SLC35F3: variants seen among roughly 807,000 people sequenced by gnomAD.
SLC35F3 encodes the protein putative thiamine transporter SLC35F3.
SLC35F3 carries 25 observed loss-of-function variants against 49.9 expected under a neutral mutation model. The observed-to-expected ratio is 0.50, with a 90% confidence interval of 0.37 to 0.70. The LOEUF is 0.70. Among genes scored for constraint, SLC35F3 ranks in the 30% least tolerant of loss-of-function variants. The probability of loss-of-function intolerance (pLI) is 0.00; values close to 1 mark genes in which losing one functional copy is unlikely to be tolerated. For missense variants in SLC35F3, 525 were observed against 639.8 expected (o/e 0.82, Z 1.94); for synonymous variants, 275 against 265.4 (o/e 1.04, Z -0.35).
At chr1:233,943,376 C>A (rs1662462547) in intron 2 of SLC35F3, among the ~76,000 whole-genome samples, 1 of 152,182 alleles carries the variant, frequency 6.6e-6, no homozygotes, top group East Asian at 1.9e-4. Context: ...CAATTTTGTT[C>A]TTTATAGCTC....
rs575115925 is a variant in SLC35F3, at chr1:234,117,414, A to C, written c.284-114003A>C. ...CCAGACCAGCCTGGGCAACATGGTGAAATCCTGTCTCTACTAAAAATACAA... is the reference window on the plus strand; with the variant it reads ...CCAGACCAGCCTGGGCAACATGGTGCAATCCTGTCTCTACTAAAAATACAA... On this transcript the variant is annotated intron_variant, in intron 2 of 7. Transcript: ENST00000366618. Among the ~76,000 whole-genome samples, 5 of 152,218 alleles carry C rather than the reference A, an allele frequency of 3.3e-5. No homozygotes were observed. In the East Asian group the frequency reaches 9.7e-4, roughly 29 times the overall value.
Position 234,096,866 on chromosome 1 carries a change from A to G in SLC35F3, c.284-134551A>G, listed in dbSNP as rs538816259. ...CAGTGGAATTGCTGGATCGAACGGT[A>G]AATCTACTTTGTTAAATTCTTTTTT... On this transcript the variant is annotated intron_variant, in intron 2 of 7. Transcript: ENST00000366618. Among the ~76,000 whole-genome samples, 80 of 151,514 alleles carry G rather than the reference A, an allele frequency of 5.3e-4. 1 individual carries two copies. The highest frequency in any genetic ancestry group is 1.9e-3 in the African/African-American group (77 of 41,184).
At chr1:233,946,874 A>T (rs1662521013) in intron 2 of SLC35F3, among the ~76,000 whole-genome samples, 1 of 152,222 alleles carries the variant, frequency 6.6e-6, no homozygotes, top group Non-Finnish European at 1.5e-5. Context: ...CAGGAATGTC[A>T]CCTAGGAATG....
chr1:234,177,485 C>A (rs1180994394), intron 2 of SLC35F3, among the ~76,000 whole-genome samples: 1 of 152,168 alleles, frequency 6.6e-6, no homozygotes, highest in Non-Finnish European at 1.5e-5. Flanking sequence ...GGGAAAACAG[C>A]ATGAAAAAGC....
At chr1:234,271,826 A>G (rs1668110999) in intron 3 of SLC35F3, among the ~76,000 whole-genome samples, 1 of 152,136 alleles carries the variant, frequency 6.6e-6, no homozygotes, top group African/African-American at 2.4e-5. Flanking sequence ...CATTTAAGAA[A>G]TGTGTGAAGA....
chr1:233,994,929 AGCTCACCTTG>A (rs1363587037), intron 2 of SLC35F3, among the ~76,000 whole-genome samples: 4 of 152,192 alleles, frequency 2.6e-5, no homozygotes, highest in African/African-American at 9.6e-5. Flanking sequence ...TTCTGGAGAT[AGCTCACCTTG>A]GTTTGAGCCC....
intron 2 of SLC35F3, among the ~76,000 whole-genome samples, chr1:234,004,584 A>G (rs992291189): frequency 2.6e-5 from 4 of 151,996 alleles, no homozygotes; most frequent in African/African-American, 9.7e-5. Context: ...TAGACTCTGT[A>G]TTGAGTCAAA....
At chr1:234,108,762 AATAT>A (rs528975734) in intron 2 of SLC35F3, among the ~76,000 whole-genome samples, 1 of 78,370 alleles carries the variant, frequency 1.3e-5, no homozygotes, top group Non-Finnish European at 2.1e-5. Context: ...GATATATATA[AATAT>A]ATATATCTTT....
chr1:233,939,012 C>T (rs906211430), intron 2 of SLC35F3, among the ~76,000 whole-genome samples: 7 of 152,156 alleles, frequency 4.6e-5, no homozygotes, highest in Non-Finnish European at 1.0e-4. Context: ...TTGGAACTGC[C>T]AGCATATCCA....
chr1:234,309,477 G>T (rs1220263121), intron 4 of SLC35F3, among the ~76,000 whole-genome samples, 157 bp downstream of exon 4: 1 of 152,244 alleles, frequency 6.6e-6, no homozygotes, highest in Non-Finnish European at 1.5e-5. Context: ...AGAGGGCCCG[G>T]TTCTTGGTGT....
At position 234,323,715 on chromosome 1, in the gene SLC35F3, T is replaced by C. The variant is rs1657687863; in HGVS notation, c.*472T>C. 1 of 158,584 alleles carries C rather than the reference T, an allele frequency of 6.3e-6. No individual in the cohort carries two copies. Among genetic ancestry groups the C allele is most frequent in the South Asian group, 1.8e-4 (1 of 5,416 alleles). The allele number at this position is 158,584 out of a possible 1,614,324, so 9.8% of individuals were successfully genotyped here. A position where few individuals can be genotyped will look rare whatever the true frequency, so the allele number is the denominator to read the frequency against. On this transcript the variant is annotated 3_prime_UTR_variant, in exon 8 of 8. Transcript: ENST00000366618. The surrounding 1 kb of genome is among the most constrained non-coding windows in gnomAD (Gnocchi z 4.5). ...GAACCAAAAGATAACTGTCAATTTA[T>C]TTGGATGGATGGATGGAGGGATGGA...
chr1:234,302,761 TTCTC>T (rs751342941), intron 3 of SLC35F3, among the ~76,000 whole-genome samples: 1 of 151,830 alleles, frequency 6.6e-6, no homozygotes, highest in Non-Finnish European at 1.5e-5. Flanking sequence ...ATTGCAGGGC[TTCTC>T]TCTCTCTCTG....
chr1:234,014,988 A>G (rs1663779790), intron 2 of SLC35F3, among the ~76,000 whole-genome samples: 1 of 152,208 alleles, frequency 6.6e-6, no homozygotes, highest in Admixed American at 6.5e-5. Flanking sequence ...TAAAATTAAT[A>G]TAGAATCACA....
At chr1:233,975,652 G>T (rs922621486) in intron 2 of SLC35F3, among the ~76,000 whole-genome samples, 1 of 152,240 alleles carries the variant, frequency 6.6e-6, no homozygotes, top group African/African-American at 2.4e-5. Flanking sequence ...GTGGGCAGGA[G>T]CGTGGTTGAA....
At chr1:233,992,109 A>C (rs1663365075) in intron 2 of SLC35F3, among the ~76,000 whole-genome samples, 2 of 152,314 alleles carry the variant, frequency 1.3e-5, no homozygotes, top group East Asian at 1.9e-4. Flanking sequence ...TTCCAATCCC[A>C]GACGGCCGTG....
At chr1:234,008,030 T>C (rs1005024465) in intron 2 of SLC35F3, among the ~76,000 whole-genome samples, 1 of 152,260 alleles carries the variant, frequency 6.6e-6, no homozygotes, top group African/African-American at 2.4e-5. Context: ...TTATCTTCTC[T>C]GTATTCCACA....
intron 3 of SLC35F3, among the ~76,000 whole-genome samples, chr1:234,275,763 A>AAAAAT (rs1553260465): frequency 1.9e-4 from 26 of 135,520 alleles, no homozygotes; most frequent in African/African-American, 5.9e-4. Flanking sequence ...AAAAAAAAAA[A>AAAAAT]ATATATATAT....
rs141359350 is a variant in SLC35F3 at position 234,076,841 on chromosome 1, G to A, written c.284-154576G>A. Among the ~76,000 whole-genome samples, 104 of 152,326 alleles carry A rather than the reference G, an allele frequency of 6.8e-4. 1 individual carries two copies. In the East Asian group the frequency reaches 0.016, roughly 23 times the overall value. On this transcript the variant is annotated intron_variant, in intron 2 of 7. Transcript: ENST00000366618. ...CGATAAAGTGTGCCACCCAAGGGGA[G>A]AGAGCCTGGCAGGGGTGTGTCCTGC... is the stretch of plus-strand genomic sequence containing the variant.
chr1:234,286,161 T>A (rs1440328879), intron 3 of SLC35F3, among the ~76,000 whole-genome samples: 2 of 152,294 alleles, frequency 1.3e-5, no homozygotes, highest in East Asian at 3.9e-4. Flanking sequence ...ATTTTGTAGA[T>A]GACAAAATTG....
Sources: gnomAD v4.1 joint callset for allele counts (sites outside exome capture counted in the v4.1 genomes callset) on GRCh38, gnomAD v4.1.1 for gene constraint, Gnocchi (gnomAD v3.1) non-coding constraint, MANE v1.5 for transcripts, NCBI Gene and HGNC (gene_info 2026-07-23, HGNC 2026-07-21) for gene names.